Variants in EFCAB6 observed in about 807,000 individuals in gnomAD.
The protein encoded by EFCAB6 is EF-hand calcium binding domain 6, also known as EF-hand calcium-binding domain-containing protein 6.
A neutral mutation model predicts 169.8 loss-of-function variants in EFCAB6; 156 were observed. The ratio of observed to expected loss-of-function variants is 0.92; its 90% CI spans 0.81 to 1.05. The LOEUF is 1.05. Among genes scored for constraint, EFCAB6 ranks in the 50% least tolerant of loss-of-function variants. The pLI, the probability that EFCAB6 is intolerant of heterozygous loss-of-function variation, is 0.00. For missense variants in EFCAB6, 1,800 were observed against 1,829.1 expected, an observed-to-expected ratio of 0.98 and a Z score of 0.29; for synonymous variants, 698 against 676.4, an observed-to-expected ratio of 1.03 and a Z score of -0.50.
At chr22:43,799,263 A>C (rs951309490) in intron 2 of EFCAB6, among the ~76,000 whole-genome samples, 1 of 151,568 alleles carries the variant, frequency 6.6e-6, no homozygotes, top group Non-Finnish European at 1.5e-5. Flanking sequence ...CCAGGAGTTC[A>C]AGGTTGCAGT....
intron 27 of EFCAB6, among the ~76,000 whole-genome samples, chr22:43,548,579 C>A (rs1167063370): frequency 3.9e-5 from 5 of 128,984 alleles, no homozygotes; most frequent in East Asian, 2.4e-4. Flanking sequence ...AAGGTCAACT[C>A]AGTAGGAGGC....
intron 1 of EFCAB6, among the ~76,000 whole-genome samples, chr22:43,809,676 C>T (rs867811059): frequency 3.9e-5 from 6 of 152,060 alleles, no homozygotes; most frequent in Non-Finnish European, 7.4e-5. Flanking sequence ...GGTGTGACCT[C>T]GGCTCACTGC....
chr22:43,775,528 C>T (rs1324209558), intron 3 of EFCAB6, among the ~76,000 whole-genome samples: 3 of 152,164 alleles, frequency 2.0e-5, no homozygotes, highest in African/African-American at 7.2e-5. Context: ...CTGCAACCTC[C>T]ACCTCCTGGG....
At chr22:43,760,845 T>C (rs2147898576) in intron 5 of EFCAB6, among the ~76,000 whole-genome samples, 1 of 152,296 alleles carries the variant, frequency 6.6e-6, no homozygotes, top group South Asian at 2.1e-4. Flanking sequence ...GTATTTTTAG[T>C]AGAGACGGGG....
intron 21 of EFCAB6, among the ~76,000 whole-genome samples, chr22:43,612,777 C>T (rs557851735): frequency 1.3e-4 from 20 of 152,056 alleles, no homozygotes; most frequent in South Asian, 2.1e-4. Context: ...ACCTGTAGTC[C>T]GAGCTACTCA....
intron 9 of EFCAB6, chr22:43,716,597 T>A (rs975228326): frequency 7.5e-5 from 30 of 400,086 alleles, no homozygotes; most frequent in Middle Eastern, 1.2e-3. Context: ...TATTTCTTTA[T>A]ATGTCTTATT....
chr22:43,699,866 T>C (rs2058703931), intron 10 of EFCAB6, among the ~76,000 whole-genome samples: 1 of 152,228 alleles, frequency 6.6e-6, no homozygotes, highest in Admixed American at 6.5e-5. Context: ...CACGCTACTA[T>C]TGTTACCAGC....
At chr22:43,645,235 T>G (rs1044592932) in intron 17 of EFCAB6, among the ~76,000 whole-genome samples, 1 of 152,270 alleles carries the variant, frequency 6.6e-6, no homozygotes, top group Non-Finnish European at 1.5e-5. Flanking sequence ...TTTGTAGTTC[T>G]GGTATTCACT....
intron 6 of EFCAB6, among the ~76,000 whole-genome samples, chr22:43,736,226 C>A (rs907109729): frequency 6.6e-6 from 1 of 152,102 alleles, no homozygotes; most frequent in Non-Finnish European, 1.5e-5. Flanking sequence ...TAAAAAAAAT[C>A]TCTTTCTCAT....
intron 8 of EFCAB6, among the ~76,000 whole-genome samples, chr22:43,729,751 T>C (rs1432929485): frequency 2.6e-5 from 4 of 152,164 alleles, no homozygotes; most frequent in African/African-American, 7.2e-5. Flanking sequence ...AATAATATTG[T>C]AGACCTAAAG....
chr22:43,776,793 G>A (rs1176817696), intron 3 of EFCAB6, among the ~76,000 whole-genome samples: 1 of 152,194 alleles, frequency 6.6e-6, no homozygotes, highest in Non-Finnish European at 1.5e-5. Context: ...TCAGGCACCT[G>A]CAGAAAGGAT....
At chr22:43,632,359 G>C (rs927104589) in intron 18 of EFCAB6, 121 bp from the exon 19 acceptor site, 4 of 1,389,758 alleles carry the variant, frequency 2.9e-6, no homozygotes, top group Non-Finnish European at 2.9e-6. Context: ...GAGCGCAGTG[G>C]TGCAATCTCA....
chr22:43,538,755 T>C (rs749717353), intron 28 of EFCAB6, among the ~76,000 whole-genome samples: 12 of 152,192 alleles, frequency 7.9e-5, no homozygotes, highest in Non-Finnish European at 1.0e-4. Context: ...AAAGGCTCCA[T>C]ACCCCTTGAG....
intron 26 of EFCAB6, among the ~76,000 whole-genome samples, chr22:43,567,323 C>T (rs553027826): frequency 6.6e-6 from 1 of 152,264 alleles, no homozygotes; most frequent in Admixed American, 6.5e-5. Context: ...CACCCTTCCA[C>T]CCTTTAATGA....
chr22:43,790,256 C>T (rs2062235454), intron 2 of EFCAB6, among the ~76,000 whole-genome samples: 2 of 152,194 alleles, frequency 1.3e-5, no homozygotes, highest in Admixed American at 1.3e-4. Flanking sequence ...CACACACATC[C>T]TTCTTGGGCT....
chr22:43,786,667 T>G (rs2062088309), intron 2 of EFCAB6, among the ~76,000 whole-genome samples: 1 of 151,500 alleles, frequency 6.6e-6, no homozygotes, highest in Non-Finnish European at 1.5e-5. Flanking sequence ...TGAGCCAAGA[T>G]CGCGCCACTG....
chr22:43,647,896 A>G (rs1387213577), intron 17 of EFCAB6, among the ~76,000 whole-genome samples: 1 of 152,190 alleles, frequency 6.6e-6, no homozygotes, highest in Non-Finnish European at 1.5e-5. Context: ...GAGCCAGCAG[A>G]TGAGAGCATG....
At chr22:43,641,522 AG>A (rs2055797443) in intron 17 of EFCAB6, among the ~76,000 whole-genome samples, 1 of 151,620 alleles carries the variant, frequency 6.6e-6, no homozygotes, top group Non-Finnish European at 1.5e-5. Flanking sequence ...AGGCTGAGGC[AG>A]GAGGATCGCT....
intron 27 of EFCAB6, among the ~76,000 whole-genome samples, chr22:43,551,545 A>C (rs2048378149): frequency 6.6e-6 from 1 of 152,164 alleles, no homozygotes; most frequent in African/African-American, 2.4e-5. Flanking sequence ...TTTCAAGGGT[A>C]CATGTGCAGG....
Sources: gnomAD v4.1 joint callset for allele counts (sites outside exome capture counted in the v4.1 genomes callset) on GRCh38, gnomAD v4.1.1 for gene constraint, MANE v1.5 for transcripts, NCBI Gene and HGNC (gene_info 2026-07-23, HGNC 2026-07-21) for gene names.